GABRB1: variants seen among roughly 807,000 people sequenced by gnomAD.
GABRB1 encodes gamma-aminobutyric acid type A receptor subunit beta1.
In GABRB1, 17 loss-of-function variants were observed where a neutral mutation model predicts 51.6. That is an observed-to-expected ratio of 0.33 (90% CI 0.23 to 0.49). The LOEUF is 0.49. Among genes scored for constraint, GABRB1 ranks in the 20% least tolerant of loss-of-function variants. GABRB1 has a pLI of 0.99. For missense variants in GABRB1, 410 were observed against 600.6 expected (o/e 0.68, Z 3.32); for synonymous variants, 247 against 218.9 (o/e 1.13, Z -1.14).
chr4:47,374,791 A>G (rs1727324243), intron 5 of GABRB1, among the ~76,000 whole-genome samples: 1 of 152,246 alleles, frequency 6.6e-6, no homozygotes, highest in African/African-American at 2.4e-5. Context: ...CAAGATCTGT[A>G]CACATTTAAT....
intron 3 of GABRB1, among the ~76,000 whole-genome samples, chr4:47,070,687 C>T (rs1049022553): frequency 1.3e-5 from 2 of 152,172 alleles, no homozygotes; most frequent in Admixed American, 6.6e-5. Flanking sequence ...ACTACTACAT[C>T]TAGGTTTCTC....
chr4:47,192,936 T>C (rs1005936533), intron 4 of GABRB1, among the ~76,000 whole-genome samples: 78 of 152,170 alleles, frequency 5.1e-4, no homozygotes, highest in Non-Finnish European at 1.6e-4. Flanking sequence ...AACTGACATA[T>C]AAAGACCTGA....
intron 4 of GABRB1, among the ~76,000 whole-genome samples, chr4:47,187,072 G>T (rs1469880625): frequency 6.6e-6 from 1 of 151,878 alleles, no homozygotes; most frequent in Non-Finnish European, 1.5e-5. Context: ...GAAGCTCTCA[G>T]GATTGTGATT....
intron 3 of GABRB1, among the ~76,000 whole-genome samples, chr4:47,136,711 A>G (rs1716675647): frequency 6.6e-6 from 1 of 152,092 alleles, no homozygotes; most frequent in African/African-American, 2.4e-5. Flanking sequence ...ATGATACTAT[A>G]CTTTCAATAA....
chr4:47,425,692 A>T lies in GABRB1; in HGVS notation c.1099A>T (p.Ile367Phe). Residue 367 changes from isoleucine (I) to phenylalanine (F), a missense_variant, in exon 9 of 9, where the codon ATT (isoleucine) becomes TTT (phenylalanine). Around this residue, in one of 5 missense-constraint regions of GABRB1, gnomAD observed 181 missense variants for 195.6 expected, o/e 0.93. Transcript: ENST00000295454. ...CCATCAGGTCGACGCCCACGGTAAC[A>T]TTCTCCTCAGCACCCTGGAAATCCG... ...NKVQVDAHGN[I>F]LLSTLEIRNE... The T allele has an allele frequency of 6.2e-7, 1 of 1,606,116 alleles. No individual in the cohort carries two copies. The highest frequency in any genetic ancestry group is 1.1e-5 in the South Asian group (1 of 90,256).
In GABRB1 at chr4:47,125,559, C is replaced by CTTTTTTTTTTTTTTTTTTTT. The variant is rs71195605; in HGVS notation, c.241-35676_241-35675insTTTTTTTTTTTTTTTTTTTT. 8.7e-5 allele frequency among the ~76,000 whole-genome samples: 7 copies of CTTTTTTTTTTTTTTTTTTTT among 80,712 alleles called. 2 individuals are homozygous for CTTTTTTTTTTTTTTTTTTTT. Among genetic ancestry groups the CTTTTTTTTTTTTTTTTTTTT allele is most frequent in the East Asian group, 7.7e-4 (2 of 2,600 alleles). 53.0% of individuals were successfully genotyped at this position (80,712 alleles called of 152,430 possible). A position where few individuals can be genotyped will look rare whatever the true frequency, so the allele number is the denominator to read the frequency against. ...CTCTAGACACAACAAAGTATAATTT[C>CTTTTTTTTTTTTTTTTTTTT]TTTTTTTTTTTTTTGAGACGGAGTC... On this transcript the variant is annotated intron_variant, in intron 3 of 8. Coordinates refer to ENST00000295454, the MANE Select transcript of GABRB1 (RefSeq NM_000812.4).
At chr4:47,301,318 A>T (rs984953708) in intron 4 of GABRB1, among the ~76,000 whole-genome samples, 1 of 152,192 alleles carries the variant, frequency 6.6e-6, no homozygotes, top group Admixed American at 6.5e-5. Context: ...AAATTCATGT[A>T]AAAGTATAAA....
chr4:47,249,468 C>T (rs3114085), intron 4 of GABRB1, among the ~76,000 whole-genome samples: 134,549 of 152,170 alleles, frequency 0.88, 59,725 homozygotes, highest in East Asian at 0.98. Context: ...CACTGTTGAA[C>T]AGAATGTGTA....
chr4:47,013,015 A>G (rs1347772585), intron 1 of GABRB1, among the ~76,000 whole-genome samples: 1 of 152,214 alleles, frequency 6.6e-6, no homozygotes, highest in Non-Finnish European at 1.5e-5. Context: ...TGAGTACACC[A>G]CAATTTATTC....
intron 4 of GABRB1, among the ~76,000 whole-genome samples, chr4:47,297,890 C>A (rs997340459): frequency 1.3e-5 from 2 of 152,172 alleles, no homozygotes; most frequent in Admixed American, 1.3e-4. Context: ...AGCTTATCCA[C>A]CATGATCAAG....
intron 5 of GABRB1, among the ~76,000 whole-genome samples, chr4:47,370,541 C>T (rs1236771847): frequency 6.6e-6 from 1 of 151,446 alleles, no homozygotes; most frequent in Non-Finnish European, 1.5e-5. Flanking sequence ...TTAGGCAACA[C>T]GCAGAATAAT....
At chr4:47,271,286 A>T (rs1160475688) in intron 4 of GABRB1, among the ~76,000 whole-genome samples, 6 of 152,168 alleles carry the variant, frequency 3.9e-5, no homozygotes, top group Non-Finnish European at 5.9e-5. Context: ...GTTTGGCCAC[A>T]GAGATAAGCT....
chr4:47,177,793 T>A (rs1015625550), intron 4 of GABRB1, among the ~76,000 whole-genome samples: 2 of 150,912 alleles, frequency 1.3e-5, no homozygotes, highest in Non-Finnish European at 2.9e-5. Context: ...ATGAGAACTA[T>A]TATGTGTGAA....
intron 3 of GABRB1, among the ~76,000 whole-genome samples, chr4:47,155,065 T>C (rs1251855353): frequency 6.6e-6 from 1 of 152,078 alleles, no homozygotes; most frequent in Non-Finnish European, 1.5e-5. Context: ...TGACTGCCTG[T>C]GAAGCAACTG....
rs60968247 is a variant in GABRB1, at chr4:47,246,337, CATATAT to C, written c.462-73736_462-73731del. On this transcript the variant is annotated intron_variant, in intron 4 of 8. Coordinates refer to ENST00000295454, the MANE Select transcript of GABRB1 (RefSeq NM_000812.4). ...ACACACACACACACACACATATGTA[CATATAT>C]ATATATATATATATATATATATATA... Among the ~76,000 whole-genome samples the C allele has an allele frequency of 2.8e-3, 148 of 53,180 alleles. 3 individuals carry two copies. Among genetic ancestry groups the C allele is most frequent in the Middle Eastern group, 0.024 (1 of 42 alleles). 34.9% of individuals were successfully genotyped at this position (53,180 alleles called of 152,430 possible). A position where few individuals can be genotyped will look rare whatever the true frequency, so the allele number is the denominator to read the frequency against.
chr4:47,140,093 AACACACAC>A (rs67749563), intron 3 of GABRB1, among the ~76,000 whole-genome samples: 43,070 of 135,226 alleles, frequency 0.32, 6,933 homozygotes, highest in Non-Finnish European at 0.34. Flanking sequence ...AAATTAAATT[AACACACAC>A]ACACACACAC....
chr4:47,077,921 TTTATATATA>T (rs1393794608), intron 3 of GABRB1, among the ~76,000 whole-genome samples: 2 of 132,152 alleles, frequency 1.5e-5, no homozygotes, highest in Non-Finnish European at 3.1e-5. Flanking sequence ...TATTATATAT[TTTATATATA>T]TTATATATTT....
chr4:47,207,544 G>A (rs754011901), intron 4 of GABRB1, among the ~76,000 whole-genome samples: 16 of 151,964 alleles, frequency 1.1e-4, no homozygotes, highest in Admixed American at 2.0e-4. Flanking sequence ...GGCTCTGTAT[G>A]CAACTAACTA....
chr4:47,243,479 G>C (rs1047659761), intron 4 of GABRB1, among the ~76,000 whole-genome samples: 35 of 152,196 alleles, frequency 2.3e-4, no homozygotes, highest in Admixed American at 2.0e-4. Context: ...ACCTTGGGCA[G>C]TATGGCCATT....
Sources: gnomAD v4.1 joint callset for allele counts (sites outside exome capture counted in the v4.1 genomes callset) on GRCh38, gnomAD v4.1.1 for gene constraint, gnomAD v4.1.1 regional missense constraint, MANE v1.5 for transcripts, NCBI Gene and HGNC (gene_info 2026-07-23, HGNC 2026-07-21) for gene names.